The following COL22A1 variants were observed in gnomAD, a reference collection of about 807,000 sequenced individuals.
COL22A1 encodes the protein collagen alpha-1(XXII) chain.
In COL22A1, 221 loss-of-function variants were observed where a neutral mutation model predicts 248.9. The ratio of observed to expected loss-of-function variants is 0.89; its 90% CI spans 0.80 to 0.99. The LOEUF is 0.99. Among genes scored for constraint, COL22A1 ranks in the 50% least tolerant of loss-of-function variants. COL22A1 has a pLI of 0.00. For missense variants in COL22A1, 2,240 were observed against 2,179.0 expected (o/e 1.03, Z -0.56); for synonymous variants, 891 against 793.4 (o/e 1.12, Z -2.07).
At chr8:138,653,967 G>A (rs78900671) in intron 45 of COL22A1, among the ~76,000 whole-genome samples, 4 of 152,312 alleles carry the variant, frequency 2.6e-5, no homozygotes, top group South Asian at 2.1e-4. Context: ...TACCCTGCAC[G>A]TAGGCGCTTG....
chr8:138,824,101 C>T (rs898510577), intron 6 of COL22A1, among the ~76,000 whole-genome samples: 2 of 152,162 alleles, frequency 1.3e-5, no homozygotes, highest in African/African-American at 4.8e-5. Flanking sequence ...AAATAGAAAA[C>T]TATGAAACCC....
chr8:138,613,973 A>C, intron 55 of COL22A1, 53 bp from the exon 56 acceptor site: 1 of 1,391,396 alleles, frequency 7.2e-7, no homozygotes, highest in Non-Finnish European at 1.0e-6. Context: ...TGTGAAGGTG[A>C]TGGCATCCCA....
chr8:138,735,182 A>G (rs2131239803), intron 23 of COL22A1, among the ~76,000 whole-genome samples: 1 of 152,342 alleles, frequency 6.6e-6, no homozygotes, highest in East Asian at 1.9e-4. Context: ...TTACAGTAAA[A>G]TAAAATTAAA....
At position 138,636,771 on chromosome 8, in the gene COL22A1, C is replaced by T; in HGVS notation, c.3526G>A (p.Asp1176Asn). 1.2e-6 allele frequency: 2 copies of T among 1,613,616 alleles called. No homozygotes were observed. The highest frequency in any genetic ancestry group is 1.7e-6 in the Non-Finnish European group (2 of 1,179,636). The change falls in exon 48 of 65, where the codon GAT becomes AAT. Residue 1176 changes from aspartate to asparagine, a missense_variant. Transcript: ENST00000303045. ...PQGSQGERGA[D>N]GEVGQKGDQG... ...TCACCTTTCTGCCCAACCTCACCAT[C>T]TGCACCACGTTCTCCTTGACTTCCC...
Position 138,844,089 on chromosome 8 carries a change from A to T in COL22A1, c.728T>A (p.Ile243Asn). 6.2e-7 allele frequency: 1 copy of T among 1,613,942 alleles called. No homozygotes were observed. The highest frequency in any genetic ancestry group is 8.5e-7 in the Non-Finnish European group (1 of 1,179,802). The stretch of plus-strand genomic sequence containing the variant: ...GGTTATTGTTTTTCCCTTACCTGTG[A>T]TTTCCTTGGTTCCTCCATTGGTGTG... Reference protein sequence around the residue: ...FKHTNGGTKEITGFDLMDLFS... With the variant: ...FKHTNGGTKENTGFDLMDLFS... The change falls in exon 4 of 65, where the codon ATC becomes AAC. Residue 243 changes from isoleucine to asparagine, a missense_variant. By Grantham distance (149) the Ile-to-Asn change is moderately radical. Coordinates refer to ENST00000303045, the MANE Select transcript of COL22A1 (RefSeq NM_152888.3).
intron 41 of COL22A1, among the ~76,000 whole-genome samples, chr8:138,675,401 G>A (rs542526401): frequency 4.6e-5 from 7 of 152,076 alleles, no homozygotes; most frequent in East Asian, 1.9e-4. Context: ...ACTCTTGGTC[G>A]TGGCCTTCAT....
At chr8:138,594,911 T>C (rs945269847) in intron 62 of COL22A1, among the ~76,000 whole-genome samples, 1 of 152,192 alleles carries the variant, frequency 6.6e-6, no homozygotes, top group African/African-American at 2.4e-5. Flanking sequence ...GGAGATCCTA[T>C]ACATCTAAAA....
At chr8:138,634,244 T>C (rs1429916549) in intron 49 of COL22A1, among the ~76,000 whole-genome samples, 2 of 152,208 alleles carry the variant, frequency 1.3e-5, no homozygotes, top group African/African-American at 4.8e-5. Flanking sequence ...TTCTTTTCAC[T>C]ATACTTTCAA....
At chr8:138,882,567 C>G (rs1250827993) in intron 2 of COL22A1, among the ~76,000 whole-genome samples, 2 of 16,048 alleles carry the variant, frequency 1.2e-4, no homozygotes, top group Non-Finnish European at 2.5e-4. Context: ...CTCACACTCC[C>G]ACACACTCCC....
intron 1 of COL22A1, among the ~76,000 whole-genome samples, chr8:138,901,358 G>GTTTTTTTTTTTTTTTTTTTTTTT (rs146670099): frequency 7.6e-6 from 1 of 131,512 alleles, no homozygotes. Flanking sequence ...TTACTGGCAG[G>GTTTTTTTTTTTTTTTTTTTTTTT]TTTTTTTTTT....
At chr8:138,726,586 A>T (rs896432821) in intron 23 of COL22A1, among the ~76,000 whole-genome samples, 1 of 151,806 alleles carries the variant, frequency 6.6e-6, no homozygotes, top group Non-Finnish European at 1.5e-5. Context: ...CTGGGACACC[A>T]GGTCGTTCTT....
chr8:138,779,706 C>T (rs984547819), intron 13 of COL22A1, 144 bp from the exon 14 acceptor site: 36 of 615,338 alleles, frequency 5.9e-5, no homozygotes, highest in East Asian at 2.5e-4. Context: ...GAGCAGGGCC[C>T]GGGCTCCCCT....
chr8:138,769,590 AAGGTGTCTCGGGATG>A (rs1834196634), intron 16 of COL22A1, among the ~76,000 whole-genome samples: 1 of 152,062 alleles, frequency 6.6e-6, no homozygotes, highest in Non-Finnish European at 1.5e-5. Flanking sequence ...AGCACATCCT[AAGGTGTCTCGGGATG>A]AGCCCTGGAG....
intron 53 of COL22A1, among the ~76,000 whole-genome samples, chr8:138,619,150 C>G (rs888843350): frequency 5.9e-5 from 9 of 152,028 alleles, no homozygotes; most frequent in African/African-American, 1.9e-4. Context: ...GTGTTCAAAA[C>G]TAAAATTAAG....
At chr8:138,866,644 C>T (rs1245476860) in intron 3 of COL22A1, among the ~76,000 whole-genome samples, 1 of 152,238 alleles carries the variant, frequency 6.6e-6, no homozygotes, top group African/African-American at 2.4e-5. Context: ...CTCCACTTTA[C>T]TCGGGATGGC....
At chr8:138,911,872 C>A (rs1229825777) in intron 1 of COL22A1, among the ~76,000 whole-genome samples, 1 of 152,146 alleles carries the variant, frequency 6.6e-6, no homozygotes, top group Non-Finnish European at 1.5e-5. Flanking sequence ...CACTCTTGGA[C>A]CCCAGGAAAG....
chr8:138,800,989 C>T (rs981355238), intron 11 of COL22A1, among the ~76,000 whole-genome samples: 4 of 152,308 alleles, frequency 2.6e-5, no homozygotes, highest in East Asian at 3.9e-4. Flanking sequence ...CTAGGCCTCA[C>T]GTCACCGAGC....
At chr8:138,605,001 A>G (rs1012761709) in intron 58 of COL22A1, among the ~76,000 whole-genome samples, 6 of 152,164 alleles carry the variant, frequency 3.9e-5, no homozygotes, top group Admixed American at 1.3e-4. Context: ...CTCCTTGTCA[A>G]TGGGATGGAT....
chr8:138,796,254 G>A (rs1404327341), intron 12 of COL22A1, among the ~76,000 whole-genome samples: 1 of 151,958 alleles, frequency 6.6e-6, no homozygotes, highest in African/African-American at 2.4e-5. Flanking sequence ...GGTAAAAGAA[G>A]GTGCAACATG....
Sources: allele counts gnomAD v4.1 joint callset (sites outside exome capture counted in the v4.1 genomes callset), GRCh38; gene constraint gnomAD v4.1.1; transcripts MANE v1.5; gene names NCBI Gene and HGNC (gene_info 2026-07-23, HGNC 2026-07-21).